The following ARV1 variants were observed in gnomAD, a reference collection of about 807,000 sequenced individuals.
The protein encoded by ARV1 is protein ARV1.
In ARV1, 26 loss-of-function variants were observed where a neutral mutation model predicts 31.1. The observed-to-expected ratio is 0.84, with a 90% CI of 0.61 to 1.16. The LOEUF (loss-of-function observed/expected upper bound fraction) is 1.16. ARV1 is among the 50% of genes most tolerant of loss of function. The pLI, the probability that ARV1 is intolerant of heterozygous loss-of-function variation, is 0.00. For missense variants in ARV1, 281 were observed against 324.9 expected, an observed-to-expected ratio of 0.86 and a Z score of 1.04; for synonymous variants, 117 against 123.2, an observed-to-expected ratio of 0.95 and a Z score of 0.34.
At chr1:230,980,612 G>T (rs886776653) in intron 1 of ARV1, among the ~76,000 whole-genome samples, 1 of 151,990 alleles carries the variant, frequency 6.6e-6, no homozygotes, top group African/African-American at 2.4e-5. Flanking sequence ...GGGGTTACAG[G>T]CATGAGCCAC....
chr1:230,997,390 G>A, intron 5 of ARV1, 123 bp downstream of exon 5: 1 of 1,177,536 alleles, frequency 8.5e-7, no homozygotes, highest in East Asian at 2.4e-5. Flanking sequence ...CTGCCTCTAG[G>A]TCACCCTCAT....
At position 230,984,363 on chromosome 1, in the gene ARV1, C is replaced by CGCGTGCGTGTGTGTGTGT. The variant is rs1191353620; in HGVS notation, c.175-3956_175-3955insCGTGCGTGTGTGTGTGTG. ...TGTTTCGTGTGTGTGTGTGTGTGTG[C>CGCGTGCGTGTGTGTGTGT]GTGTGTGTGTGTGTGTGTGTGTGTG... On this transcript the variant is annotated intron_variant, in intron 1 of 5. Coordinates refer to ENST00000310256, the MANE Select transcript of ARV1 (RefSeq NM_022786.3). Among the ~76,000 whole-genome samples, 29 of 129,840 alleles carry CGCGTGCGTGTGTGTGTGT rather than the reference C, an allele frequency of 2.2e-4. No homozygotes were observed. The Middle Eastern group carries it at 0.012, about 52-fold the overall frequency. 85.2% of individuals were successfully genotyped at this position (129,840 alleles called of 152,430 possible). A position where few individuals can be genotyped will look rare whatever the true frequency, so the allele number is the denominator to read the frequency against.
rs1284801140 is a variant in ARV1, at chr1:230,995,621, A to AAAGAGATT, written c.449-138_449-131dup. The AAAGAGATT allele has an allele frequency of 5.9e-6, 4 of 674,110 alleles. No individual in the cohort carries two copies. The East Asian group carries it at 1.1e-4, about 19-fold the overall frequency. The allele number at this position is 674,110 out of a possible 1,614,324, so 41.8% of individuals were successfully genotyped here. A position where few individuals can be genotyped will look rare whatever the true frequency, so the allele number is the denominator to read the frequency against. On this transcript the variant is annotated intron_variant, in intron 3 of 5. Transcript: ENST00000310256. Reference sequence around the variant, plus strand: ...AACACACAAACAAAAAGAAGAAGAAAAAGAGATTGTGATCTTGAGAAAGTA... The same window carrying AAAGAGATT: ...AACACACAAACAAAAAGAAGAAGAAAAAGAGATTAAGAGATTGTGATCTTGAGAAAGTA...
At position 230,988,568 on chromosome 1, in the gene ARV1, C is replaced by A. The variant is rs375718185; in HGVS notation, c.294+129C>A. 5.2e-5 allele frequency: 38 copies of A among 736,670 alleles called. No homozygotes were observed. In the East Asian group the frequency reaches 1.2e-3, roughly 24 times the overall value. The allele number at this position is 736,670 out of a possible 1,614,324, so 45.6% of individuals were successfully genotyped here. A position where few individuals can be genotyped will look rare whatever the true frequency, so the allele number is the denominator to read the frequency against. ...AAGAAATTCTAATGTGAGAGTGGGT[C>A]TTTTATTGCAACATATCTGGAAGTT... On this transcript the variant is annotated intron_variant, in intron 2 of 5. Transcript: ENST00000310256.
At chr1:230,986,064 C>G (rs1047532776) in intron 1 of ARV1, among the ~76,000 whole-genome samples, 2 of 151,362 alleles carry the variant, frequency 1.3e-5, no homozygotes, top group African/African-American at 2.4e-5. Context: ...CTACAGGCAC[C>G]TGCCACCACG....
chr1:230,986,463 G>A (rs186495301), intron 1 of ARV1, among the ~76,000 whole-genome samples: 57 of 151,978 alleles, frequency 3.8e-4, no homozygotes, highest in Non-Finnish European at 6.9e-4. Flanking sequence ...TTTTACACTC[G>A]CAACTCTTCT....
intron 1 of ARV1, chr1:230,979,562 G>A (rs147656789): frequency 1.0e-5 from 4 of 393,424 alleles, no homozygotes; most frequent in East Asian, 1.3e-4. Flanking sequence ...GATCAATTAG[G>A]TTGACATTTT....
intron 1 of ARV1, among the ~76,000 whole-genome samples, chr1:230,983,963 G>A (rs751626635): frequency 3.9e-5 from 6 of 152,220 alleles, no homozygotes; most frequent in Non-Finnish European, 8.8e-5. Flanking sequence ...CTGGGCAGGC[G>A]TGATGATTCA....
chr1:230,980,074 A>G (rs914104115), intron 1 of ARV1, among the ~76,000 whole-genome samples: 2 of 152,210 alleles, frequency 1.3e-5, no homozygotes, highest in African/African-American at 4.8e-5. Flanking sequence ...AGTAATATAC[A>G]AGAGAATTGA....
chr1:230,985,067 T>G (rs1057078183), intron 1 of ARV1, among the ~76,000 whole-genome samples: 5 of 150,098 alleles, frequency 3.3e-5, no homozygotes, highest in African/African-American at 9.8e-5. Flanking sequence ...CTTACTTACA[T>G]GAGAAGCAAA....
At chr1:230,991,323 CT>C in intron 3 of ARV1, among the ~76,000 whole-genome samples, 1 of 152,186 alleles carries the variant, frequency 6.6e-6, no homozygotes, top group Admixed American at 6.5e-5. Flanking sequence ...TGCTCTCGCT[CT>C]CTTGGTCATG....
At chr1:230,982,338 A>G (rs781320912) in intron 1 of ARV1, among the ~76,000 whole-genome samples, 8 of 152,246 alleles carry the variant, frequency 5.3e-5, no homozygotes, top group Non-Finnish European at 1.0e-4. Flanking sequence ...ATAACTGAAT[A>G]TGGTCTGAAG....
At chr1:230,994,103 C>G (rs1679300241) in intron 3 of ARV1, among the ~76,000 whole-genome samples, 1 of 152,198 alleles carries the variant, frequency 6.6e-6, no homozygotes, top group Non-Finnish European at 1.5e-5. Flanking sequence ...CTCCCGACCC[C>G]CTTCAGTGTT....
chr1:230,994,176 A>G (rs1214057474), intron 3 of ARV1, among the ~76,000 whole-genome samples: 1 of 152,160 alleles, frequency 6.6e-6, no homozygotes, highest in African/African-American at 2.4e-5. Context: ...GATTGATGAG[A>G]GCCTGAGGGC....
At chr1:230,989,996 C>T in intron 2 of ARV1, 114 bp from the exon 3 acceptor site, 1 of 1,052,064 alleles carries the variant, frequency 9.5e-7, no homozygotes. Flanking sequence ...CTTAATTGGG[C>T]AGTCCTGAAT....
At position 230,990,121 on chromosome 1, in the gene ARV1, ACT is replaced by A. The variant is rs1679188636; in HGVS notation, c.309_310del (p.Cys104HisfsTer7). On this transcript the variant is annotated frameshift_variant, in exon 3 of 6. Transcript: ENST00000310256. LOFTEE classifies it high-confidence loss of function. ...FNTQINIHGKLCIFCLLCEAY... is the reference protein window; with the variant it reads ...FNTQINIHGKXCIFCLLCEAY... ...TCTTTGACTATCAGATCCATGGAAA[ACT>A]CTGCATATTTTGTTTGCTTTGTGAA... 3.7e-6 allele frequency: 6 copies of A among 1,604,932 alleles called. No individual in the cohort carries two copies. The East Asian group carries it at 6.7e-5, about 18-fold the overall frequency.
chr1:230,986,161 A>C (rs1158499114), intron 1 of ARV1, among the ~76,000 whole-genome samples: 1 of 151,788 alleles, frequency 6.6e-6, no homozygotes, highest in African/African-American at 2.4e-5. Flanking sequence ...TGACCTCGTG[A>C]TCCACCTGCC....
chr1:230,995,367 A>G (rs1679330722), intron 3 of ARV1, among the ~76,000 whole-genome samples: 1 of 152,246 alleles, frequency 6.6e-6, no homozygotes, highest in Non-Finnish European at 1.5e-5. Flanking sequence ...TCCCATTCTT[A>G]CGATAGGTCC....
intron 5 of ARV1, among the ~76,000 whole-genome samples, chr1:230,998,325 C>T (rs1679429021): frequency 6.6e-6 from 1 of 152,190 alleles, no homozygotes; most frequent in Non-Finnish European, 1.5e-5. Flanking sequence ...GTTACATCCT[C>T]CTTGCAAGTA....
Sources: allele counts gnomAD v4.1 joint callset (sites outside exome capture counted in the v4.1 genomes callset), GRCh38; gene constraint gnomAD v4.1.1; transcripts MANE v1.5; gene names NCBI Gene and HGNC (gene_info 2026-07-23, HGNC 2026-07-21).